Variants in EXD1 observed in about 807,000 individuals in gnomAD.
EXD1 encodes piRNA biogenesis protein EXD1.
A neutral mutation model predicts 49.1 loss-of-function variants in EXD1; 63 were observed. The observed-to-expected ratio is 1.28, with a 90% CI of 1.05 to 1.58. EXD1 has a LOEUF of 1.58. Ranked by LOEUF, EXD1 falls within the 40% of genes most tolerant of loss-of-function variation. The probability of loss-of-function intolerance (pLI) is 0.00; values close to 1 mark genes in which losing one functional copy is unlikely to be tolerated. For synonymous variants in EXD1, 234 were observed against 239.2 expected (o/e 0.98, Z 0.20); for missense variants, 748 against 666.0 (o/e 1.12, Z -1.36).
chr15:41,194,319 G>A (rs552937390), intron 9 of EXD1, among the ~76,000 whole-genome samples: 1 of 152,124 alleles, frequency 6.6e-6, no homozygotes, highest in East Asian at 1.9e-4. Context: ...CCTGAAAAGT[G>A]ATTTTTTTAA....
intron 3 of EXD1, among the ~76,000 whole-genome samples, chr15:41,219,071 A>T (rs2047048567): frequency 6.6e-6 from 1 of 152,126 alleles, no homozygotes. Flanking sequence ...CTTAAAGGGC[A>T]GAAGCAGAAA....
At chr15:41,204,761 T>C (rs2046796634) in intron 7 of EXD1, among the ~76,000 whole-genome samples, 2 of 152,048 alleles carry the variant, frequency 1.3e-5, no homozygotes, top group East Asian at 1.9e-4. Flanking sequence ...TACATACACA[T>C]ATATATATAC....
intron 2 of EXD1, among the ~76,000 whole-genome samples, chr15:41,224,902 GC>G (rs898744803): frequency 6.6e-6 from 1 of 152,088 alleles, no homozygotes; most frequent in Admixed American, 6.6e-5. Context: ...AGTTAAGGCT[GC>G]AGCGAGCCGT....
chr15:41,202,623 T>C (rs2046750088), intron 7 of EXD1, among the ~76,000 whole-genome samples: 1 of 152,150 alleles, frequency 6.6e-6, no homozygotes, highest in South Asian at 2.1e-4. Flanking sequence ...TTATATTATA[T>C]GCTCAGCTAA....
intron 7 of EXD1, among the ~76,000 whole-genome samples, chr15:41,204,297 TC>T (rs1271575758): frequency 6.8e-6 from 1 of 147,476 alleles, no homozygotes; most frequent in Non-Finnish European, 1.5e-5. Flanking sequence ...ACGCCTGTAA[TC>T]CCAGCACTTT....
chr15:41,209,648 C>A, intron 6 of EXD1, 61 bp from the exon 7 acceptor site: 1 of 1,383,156 alleles, frequency 7.2e-7, no homozygotes, highest in Non-Finnish European at 1.0e-6. Context: ...ATGATAACAT[C>A]ATGATTGGCA....
intron 7 of EXD1, among the ~76,000 whole-genome samples, chr15:41,196,312 ATTTTTTTTT>A (rs572843554): frequency 9.2e-6 from 1 of 108,144 alleles, no homozygotes; most frequent in Non-Finnish European, 1.8e-5. Flanking sequence ...CGCCCAGCTA[ATTTTTTTTT>A]TTTTTTTTTT....
intron 2 of EXD1, among the ~76,000 whole-genome samples, chr15:41,222,841 C>T (rs2047109868): frequency 7.0e-6 from 1 of 142,898 alleles, no homozygotes; most frequent in Non-Finnish European, 1.5e-5. Context: ...GAGGCTGAGG[C>T]AGGAGAATTG....
At chr15:41,201,403 A>G (rs2046726362) in intron 7 of EXD1, among the ~76,000 whole-genome samples, 1 of 152,084 alleles carries the variant, frequency 6.6e-6, no homozygotes, top group Non-Finnish European at 1.5e-5. Flanking sequence ...AAAACAGGCA[A>G]CAAATACACT....
intron 2 of EXD1, 94 bp from the exon 3 acceptor site, chr15:41,219,992 G>A (rs906956000): frequency 2.2e-4 from 165 of 761,940 alleles, no homozygotes; most frequent in Non-Finnish European, 3.0e-4. Context: ...AGTCTGAGTT[G>A]TATTTAAAAA....
chr15:41,230,310 C>A (rs568493044), intron 1 of EXD1, among the ~76,000 whole-genome samples, 169 bp downstream of exon 1: 4 of 151,948 alleles, frequency 2.6e-5, no homozygotes, highest in African/African-American at 9.7e-5. Flanking sequence ...CTCGAACTCA[C>A]GACCTCAGGT....
Position 41,230,469 on chromosome 15 carries a change from A to C in EXD1, c.-54+10T>G. 1 of 1,612,156 alleles carries C rather than the reference A, an allele frequency of 6.2e-7. No individual in the cohort carries two copies. On this transcript the variant is annotated intron_variant, in intron 1 of 11. Coordinates refer to ENST00000458580, the MANE Select transcript of EXD1 (RefSeq NM_001286441.2). ...AAGACAAAATAAGGAACTTCAAATA[A>C]ATGGCGGACCATAAGCTAGGAATTC...
intron 7 of EXD1, among the ~76,000 whole-genome samples, chr15:41,196,741 A>AT (rs2140838174): frequency 1.3e-5 from 2 of 149,310 alleles, no homozygotes; most frequent in African/African-American, 5.0e-5. Flanking sequence ...AATTTTTTTT[A>AT]TTTTTTGTAG....
intron 7 of EXD1, among the ~76,000 whole-genome samples, chr15:41,208,085 C>T (rs1275138214): frequency 6.6e-6 from 1 of 151,514 alleles, no homozygotes; most frequent in Non-Finnish European, 1.5e-5. Context: ...CTCTGATACC[C>T]AGAAAACCAA....
chr15:41,187,901 G>A (rs1426442569), intron 11 of EXD1, among the ~76,000 whole-genome samples: 2 of 151,008 alleles, frequency 1.3e-5, no homozygotes, highest in Non-Finnish European at 2.9e-5. Flanking sequence ...TGTAATCCCA[G>A]CTAATCAGGA....
chr15:41,230,343 A>C (rs1297445706), intron 1 of EXD1, 136 bp downstream of exon 1: 13 of 863,320 alleles, frequency 1.5e-5, no homozygotes, highest in Non-Finnish European at 3.7e-6. Flanking sequence ...TCGGCCTCCC[A>C]AAGTGCTGGG....
intron 2 of EXD1, among the ~76,000 whole-genome samples, chr15:41,220,267 C>T (rs1234625737): frequency 6.6e-6 from 1 of 151,854 alleles, no homozygotes; most frequent in African/African-American, 2.4e-5. Flanking sequence ...TTAAGGGCAG[C>T]CTGCAACTTT....
At position 41,190,079 on chromosome 15, in the gene EXD1, T is replaced by C; in HGVS notation, c.914A>G (p.Lys305Arg). ...GTAGGTAGCTTCCAGGGCCAAAATT[T>C]TCAGTAAAGAGGGTGAAACAGGTCG... The part of the protein sequence containing the change: ...FIRPVSPSLL[K>R]ILALEATYLL... The change falls in exon 11 of 12, where the codon AAA (lysine) becomes AGA (arginine). Residue 305 changes from lysine to arginine, a missense_variant. By Grantham distance (26) the Lys-to-Arg change is conservative. Coordinates refer to ENST00000458580, the MANE Select transcript of EXD1 (RefSeq NM_001286441.2). 1 of 1,614,136 alleles carries C rather than the reference T, an allele frequency of 6.2e-7. No individual in the cohort carries two copies.
chr15:41,228,125 A>T (rs909023), intron 1 of EXD1, among the ~76,000 whole-genome samples: 44,321 of 152,142 alleles, frequency 0.29, 9,057 homozygotes, highest in African/African-American at 0.58. Flanking sequence ...TTAAAAGTTA[A>T]TTTAGAACTA....
Sources: allele counts gnomAD v4.1 joint callset (sites outside exome capture counted in the v4.1 genomes callset), GRCh38; gene constraint gnomAD v4.1.1; transcripts MANE v1.5; gene names NCBI Gene and HGNC (gene_info 2026-07-23, HGNC 2026-07-21).